GRAMD1B: variants seen among roughly 807,000 people sequenced by gnomAD.
GRAMD1B encodes the protein GRAM domain containing 1B.
A neutral mutation model predicts 99.7 loss-of-function variants in GRAMD1B; 37 were observed. The observed-to-expected ratio is 0.37, with a 90% confidence interval of 0.29 to 0.49. The LOEUF (loss-of-function observed/expected upper bound fraction) is 0.49, where lower values mean the gene tolerates loss of function less well. GRAMD1B is among the 20% of genes least tolerant of loss of function. The pLI is 0.98. For synonymous variants in GRAMD1B, 427 were observed against 387.6 expected (o/e 1.10, Z -1.19); for missense variants, 888 against 1,009.2 (o/e 0.88, Z 1.63).
intron 2 of GRAMD1B, among the ~76,000 whole-genome samples, chr11:123,565,352 T>C (rs534102896): frequency 6.6e-6 from 1 of 152,168 alleles, no homozygotes; most frequent in African/African-American, 2.4e-5. Context: ...GAGGCAATTT[T>C]AAAAGTATTA....
chr11:123,549,410 C>T (rs1017593201), intron 2 of GRAMD1B, among the ~76,000 whole-genome samples: 1 of 151,998 alleles, frequency 6.6e-6, no homozygotes, highest in Non-Finnish European at 1.5e-5. Flanking sequence ...GCCATGGTGG[C>T]GGGTGCCTGT....
chr11:123,432,314 T>G (rs1391915232), intron 1 of GRAMD1B, among the ~76,000 whole-genome samples: 1 of 152,040 alleles, frequency 6.6e-6, no homozygotes, highest in African/African-American at 2.4e-5. Flanking sequence ...CCCAGCACTT[T>G]GGGAGGCCGA....
Position 123,610,085 on chromosome 11 carries a change from C to T in GRAMD1B, c.1777-111C>T. On this transcript the variant is annotated intron_variant, in intron 13 of 19. Coordinates refer to ENST00000635736, the MANE Select transcript of GRAMD1B (RefSeq NM_001387025.1). The surrounding 1 kb of genome is among the most constrained non-coding windows in gnomAD (Gnocchi z 4.1). ...GCTGCTGATTCCAGTGATCCTGGTT[C>T]TCCTGTTCAGAAGCCGTGGGGTGGG... is the stretch of plus-strand genomic sequence containing the variant. 4 of 996,734 alleles carry T rather than the reference C, an allele frequency of 4.0e-6. No homozygotes were observed. Among genetic ancestry groups the T allele is most frequent in the Non-Finnish European group, 6.1e-6 (4 of 651,946 alleles). The allele number at this position is 996,734 out of a possible 1,614,324, so 61.7% of individuals were successfully genotyped here. A position where few individuals can be genotyped will look rare whatever the true frequency, so the allele number is the denominator to read the frequency against.
chr11:123,606,657 C>G lies in GRAMD1B; in HGVS notation c.1372C>G (p.Leu458Val). The part of the protein sequence containing the change: ...EEEALEGDGS[L>V]EKELAIDNIM... ...AGAGGCGCTGGAGGGAGACGGGTCCCTGGAAAAGGAGCTCGCCATTGACAA... is the reference window on the plus strand; with the variant it reads ...AGAGGCGCTGGAGGGAGACGGGTCCGTGGAAAAGGAGCTCGCCATTGACAA... Residue 458 changes from leucine to valine, a missense_variant, in exon 11 of 20, where the codon CTG becomes GTG. By Grantham distance (32) the Leu-to-Val change is conservative (BLOSUM62 1). Transcript: ENST00000635736. The G allele has an allele frequency of 5.6e-6, 9 of 1,613,076 alleles. No homozygotes were observed. The highest frequency in any genetic ancestry group is 6.8e-6 in the Non-Finnish European group (8 of 1,179,674).
chr11:123,423,267 G>A (rs1173945685), intron 1 of GRAMD1B, among the ~76,000 whole-genome samples: 3 of 130,442 alleles, frequency 2.3e-5, no homozygotes, highest in African/African-American at 1.0e-4. Context: ...CACACACACA[G>A]ATTAAAAGAA....
intron 1 of GRAMD1B, among the ~76,000 whole-genome samples, chr11:123,410,783 G>A (rs1200129121): frequency 2.0e-5 from 3 of 152,154 alleles, no homozygotes; most frequent in African/African-American, 7.2e-5. Flanking sequence ...AGAGCAGACA[G>A]TGTGTCATTA....
At chr11:123,364,664 G>C (rs574837924) in intron 1 of GRAMD1B, among the ~76,000 whole-genome samples, 1 of 152,182 alleles carries the variant, frequency 6.6e-6, no homozygotes, top group African/African-American at 2.4e-5. Flanking sequence ...TCAGAGTATG[G>C]CTTCCCAGAT....
In GRAMD1B at chr11:123,627,471, C is replaced by T. The variant is rs1409407560; in HGVS notation, c.*4876C>T. ...AAGGTGGGGAGGGATGGGTCAGAGGCCATAGTGGCCCCTGGATAATCCTGA... is the reference window on the plus strand; with the variant it reads ...AAGGTGGGGAGGGATGGGTCAGAGGTCATAGTGGCCCCTGGATAATCCTGA... On this transcript the variant is annotated 3_prime_UTR_variant, in exon 20 of 20. Transcript: ENST00000635736. The T allele has an allele frequency of 6.6e-6, 1 of 152,390 alleles. No individual in the cohort carries two copies. The highest frequency in any genetic ancestry group is 1.5e-5 in the Non-Finnish European group (1 of 68,156). 9.4% of individuals were successfully genotyped at this position (152,390 alleles called of 1,614,324 possible).
chr11:123,619,446 C>G lies in GRAMD1B; in HGVS notation c.2544+222C>G, dbSNP rs73617605. 0.039 allele frequency: 51,986 copies of G among 1,336,188 alleles called. 1,094 individuals carry two copies. The highest frequency in any genetic ancestry group is 0.061 in the East Asian group (1,745 of 28,562). The allele number at this position is 1,336,188 out of a possible 1,614,324, so 82.8% of individuals were successfully genotyped here. A position where few individuals can be genotyped will look rare whatever the true frequency, so the allele number is the denominator to read the frequency against. ...AAAATAAGAACAATAAAATGACCCA[C>G]TGAATTTGCACCAGGAAAGCTGTAG... On this transcript the variant is annotated intron_variant, in intron 19 of 19. Coordinates refer to ENST00000635736, the MANE Select transcript of GRAMD1B (RefSeq NM_001387025.1).
At chr11:123,418,912 G>T (rs1164089184) in intron 1 of GRAMD1B, among the ~76,000 whole-genome samples, 2 of 152,152 alleles carry the variant, frequency 1.3e-5, no homozygotes, top group Non-Finnish European at 2.9e-5. Context: ...AGTGAGCTTG[G>T]TAACACACAA....
chr11:123,419,788 A>G (rs1030476421), intron 1 of GRAMD1B, among the ~76,000 whole-genome samples: 10 of 151,650 alleles, frequency 6.6e-5, no homozygotes, highest in Non-Finnish European at 2.9e-5. Context: ...AGAAAAAGGA[A>G]GGAAAGCAGT....
intron 2 of GRAMD1B, among the ~76,000 whole-genome samples, chr11:123,540,803 A>G (rs1944436593): frequency 6.6e-6 from 1 of 152,170 alleles, no homozygotes; most frequent in Non-Finnish European, 1.5e-5. Context: ...AATTAACAAT[A>G]TCTGATCTCT....
chr11:123,563,506 C>CT (rs796897213), intron 2 of GRAMD1B, among the ~76,000 whole-genome samples: 2,467 of 140,858 alleles, frequency 0.018, 46 homozygotes, highest in African/African-American at 0.053. Context: ...AGGGTTTTTT[C>CT]TTTTTTTTTT....
chr11:123,543,329 A>T (rs1370327844), intron 2 of GRAMD1B, among the ~76,000 whole-genome samples: 1 of 152,166 alleles, frequency 6.6e-6, no homozygotes, highest in Non-Finnish European at 1.5e-5. Flanking sequence ...ATATACATGG[A>T]CTTTCTGAGA....
At chr11:123,576,039 C>T (rs1948669344) in intron 2 of GRAMD1B, among the ~76,000 whole-genome samples, 1 of 152,128 alleles carries the variant, frequency 6.6e-6, no homozygotes, top group Non-Finnish European at 1.5e-5. Flanking sequence ...GCACTGCCTG[C>T]CCCCAGCTCC....
At chr11:123,546,883 G>A (rs1444272238) in intron 2 of GRAMD1B, among the ~76,000 whole-genome samples, 1 of 152,030 alleles carries the variant, frequency 6.6e-6, no homozygotes, top group Non-Finnish European at 1.5e-5. Flanking sequence ...AGCTGCACAG[G>A]GCCATTTCTG....
intron 1 of GRAMD1B, among the ~76,000 whole-genome samples, chr11:123,447,559 G>A (rs185819698): frequency 2.4e-4 from 36 of 152,322 alleles, no homozygotes; most frequent in African/African-American, 8.2e-4. Context: ...ACAGGCTGAG[G>A]CAGCATGGGT....
intron 15 of GRAMD1B, 74 bp from the exon 16 acceptor site, chr11:123,613,381 G>A (rs749539263): frequency 1.8e-6 from 2 of 1,118,884 alleles, no homozygotes; most frequent in Non-Finnish European, 2.6e-6. Flanking sequence ...ATACAGAATA[G>A]GAAAATGGTT....
Position 123,512,367 on chromosome 11 carries a change from A to T in GRAMD1B, c.452+31474A>T, listed in dbSNP as rs1405751523. Among the ~76,000 whole-genome samples, 3 of 152,058 alleles carry T rather than the reference A, an allele frequency of 2.0e-5. 1 individual carries two copies. In the South Asian group the frequency reaches 6.2e-4, roughly 32 times the overall value. Reference sequence around the variant, plus strand: ...TGGCAAGTGCTCTGGAAAAGGTATGATTTGGGGATTTTGGGGATTTATTCT... The same window carrying T: ...TGGCAAGTGCTCTGGAAAAGGTATGTTTTGGGGATTTTGGGGATTTATTCT... On this transcript the variant is annotated intron_variant, in intron 2 of 19. Coordinates refer to ENST00000635736, the MANE Select transcript of GRAMD1B (RefSeq NM_001387025.1).
Sources: gnomAD v4.1 joint callset for allele counts (sites outside exome capture counted in the v4.1 genomes callset) on GRCh38, gnomAD v4.1.1 for gene constraint, Gnocchi (gnomAD v3.1) non-coding constraint, MANE v1.5 for transcripts, NCBI Gene and HGNC (gene_info 2026-07-23, HGNC 2026-07-21) for gene names.